Variants in ADCY9 observed in about 807,000 individuals in gnomAD.
The protein encoded by ADCY9 is adenylate cyclase 9.
In ADCY9, 50 loss-of-function variants were observed where a neutral mutation model predicts 101.5. That is an observed-to-expected ratio of 0.49 (90% CI 0.39 to 0.62). The LOEUF is 0.62. Ranked by LOEUF, ADCY9 falls within the 20% of genes least tolerant of loss-of-function variation. The pLI, the probability that ADCY9 is intolerant of heterozygous loss-of-function variation, is 0.00. For missense variants in ADCY9, 1,662 were observed against 1,800.4 expected (o/e 0.92, Z 1.39); for synonymous variants, 905 against 769.3 (o/e 1.18, Z -2.92).
chr16:3,999,946 C>A (rs2056318254), intron 3 of ADCY9, among the ~76,000 whole-genome samples: 1 of 152,172 alleles, frequency 6.6e-6, no homozygotes, highest in South Asian at 2.1e-4. Context: ...CAACAGCTGT[C>A]CCTTTTCAAA....
chr16:4,061,728 G>C (rs1185428474), intron 2 of ADCY9, among the ~76,000 whole-genome samples: 1 of 151,982 alleles, frequency 6.6e-6, no homozygotes, highest in Non-Finnish European at 1.5e-5. Flanking sequence ...AGCCCTTCAA[G>C]ATGAAAGAAA....
intron 2 of ADCY9, among the ~76,000 whole-genome samples, chr16:4,045,594 T>TAGA (rs1555511841): frequency 1.5e-5 from 1 of 64,964 alleles, no homozygotes; most frequent in Non-Finnish European, 2.8e-5. Flanking sequence ...GACTCTGCCT[T>TAGA]AAAAAAAAAA....
In ADCY9 at chr16:4,097,553, A is replaced by ATATATT. The variant is rs1382458827; in HGVS notation, c.1693+16196_1693+16197insAATATA. ...CATATATATATATATATATATATATATTTTTTTTTTTTTTTTTTAAGACAG... is the reference window on the plus strand; with the variant it reads ...CATATATATATATATATATATATATATATATTTTTTTTTTTTTTTTTTTTAAGACAG... On this transcript the variant is annotated intron_variant, in intron 2 of 10. Transcript: ENST00000294016. 9.2e-4 allele frequency among the ~76,000 whole-genome samples: 49 copies of ATATATT among 53,390 alleles called. 1 individual carries two copies. The highest frequency in any genetic ancestry group is 3.8e-3 in the East Asian group (5 of 1,314). 35.0% of individuals were successfully genotyped at this position (53,390 alleles called of 152,430 possible). A position where few individuals can be genotyped will look rare whatever the true frequency, so the allele number is the denominator to read the frequency against.
At chr16:4,040,571 T>C (rs1289667047) in intron 2 of ADCY9, among the ~76,000 whole-genome samples, 2 of 151,944 alleles carry the variant, frequency 1.3e-5, no homozygotes, top group Non-Finnish European at 1.5e-5. Context: ...ATCCTCCCAC[T>C]TCGGCCTCCC....
intron 2 of ADCY9, among the ~76,000 whole-genome samples, chr16:4,025,789 C>T (rs1373031959): frequency 6.6e-6 from 1 of 152,162 alleles, no homozygotes; most frequent in African/African-American, 2.4e-5. Flanking sequence ...GACTCCCAGA[C>T]TTTCAGGGAA....
chr16:4,010,852 G>A (rs562672142), intron 2 of ADCY9, among the ~76,000 whole-genome samples: 30 of 152,280 alleles, frequency 2.0e-4, no homozygotes, highest in African/African-American at 7.2e-4. Context: ...CCTCCCCTGC[G>A]ATGGGATCAG....
At chr16:3,958,673 CTTT>C (rs1207846349), downstream of ADCY9, among the ~76,000 whole-genome samples, 3 of 102,994 alleles carry the variant, frequency 2.9e-5, no homozygotes, top group African/African-American at 3.9e-5. Flanking sequence ...TCGTCGGTTA[CTTT>C]TTTTTTTTTT....
At chr16:3,958,439 C>G (rs1004021290), downstream of ADCY9, among the ~76,000 whole-genome samples, 1 of 148,366 alleles carries the variant, frequency 6.7e-6, no homozygotes, top group Non-Finnish European at 1.5e-5. Context: ...ACTGGGGAGG[C>G]TGAGGCAGAA....
chr16:3,970,533 G>C (rs1423998115), intron 10 of ADCY9, among the ~76,000 whole-genome samples: 2 of 151,994 alleles, frequency 1.3e-5, no homozygotes, highest in Admixed American at 1.3e-4. Context: ...TCACCATGTT[G>C]ACCAGGTTGG....
intron 2 of ADCY9, among the ~76,000 whole-genome samples, chr16:4,059,833 G>C (rs2056763808): frequency 6.6e-6 from 1 of 152,226 alleles, no homozygotes; most frequent in Non-Finnish European, 1.5e-5. Context: ...GGGAGCTTGA[G>C]GTTACAGTGA....
At chr16:3,977,680 C>G (rs1467470916) in intron 8 of ADCY9, 50 bp from the exon 9 acceptor site, 1 of 1,568,200 alleles carries the variant, frequency 6.4e-7, no homozygotes, top group South Asian at 1.2e-5. Flanking sequence ...CCCCGCCACC[C>G]CTGCTATACC....
chr16:4,017,416 G>A (rs983112154), intron 2 of ADCY9, among the ~76,000 whole-genome samples: 11 of 149,706 alleles, frequency 7.3e-5, no homozygotes, highest in Admixed American at 2.8e-4. Context: ...AGGCCGAGGC[G>A]GGGGGTTGCT....
chr16:4,114,490 A>C lies in ADCY9; in HGVS notation c.953T>G (p.Met318Arg), dbSNP rs770666782. ...TTCCACTTCCAGGTCCTTCCCGTGCATAATGGATTGCCCCACCTTGAGGAA... is the reference window on the plus strand; with the variant it reads ...TTCCACTTCCAGGTCCTTCCCGTGCCTAATGGATTGCCCCACCTTGAGGAA... The part of the protein sequence containing the change: ...STFLKVGQSI[M>R]HGKDLEVEKA... The change falls in exon 2 of 11, where the codon ATG becomes AGG. Residue 318 changes from methionine (M) to arginine (R), a missense_variant. Physicochemically the swap from Met to Arg is moderately conservative, Grantham distance 91. Coordinates refer to ENST00000294016, the MANE Select transcript of ADCY9 (RefSeq NM_001116.4). This position sits in a 1 kb window ranked among gnomAD's most constrained non-coding sequence, Gnocchi z 4.3. The C allele has an allele frequency of 6.2e-7, 1 of 1,614,170 alleles. No homozygotes were observed. The highest frequency in any genetic ancestry group is 8.5e-7 in the Non-Finnish European group (1 of 1,180,038).
At chr16:4,018,028 C>A (rs2056449703) in intron 2 of ADCY9, among the ~76,000 whole-genome samples, 1 of 152,178 alleles carries the variant, frequency 6.6e-6, no homozygotes, top group African/African-American at 2.4e-5. Flanking sequence ...ACAGATGGGC[C>A]TTTTCATCCA....
chr16:4,014,493 G>A (rs1345546872), intron 2 of ADCY9, among the ~76,000 whole-genome samples: 2 of 151,728 alleles, frequency 1.3e-5, no homozygotes, highest in East Asian at 1.9e-4. Context: ...TGTTGCCCAG[G>A]CTGGAGCGTA....
intron 2 of ADCY9, among the ~76,000 whole-genome samples, chr16:4,080,393 G>A (rs533468653): frequency 6.6e-5 from 10 of 152,092 alleles, no homozygotes; most frequent in East Asian, 1.9e-4. Context: ...ACAGGCGTGC[G>A]CCACCACACC....
intron 2 of ADCY9, among the ~76,000 whole-genome samples, chr16:4,112,677 G>C (rs2057121374): frequency 1.3e-5 from 2 of 151,882 alleles, no homozygotes; most frequent in African/African-American, 4.8e-5. Flanking sequence ...TGCAGTGTGT[G>C]GGGACCACAA....
intron 2 of ADCY9, among the ~76,000 whole-genome samples, chr16:4,031,225 G>A (rs1050378928): frequency 1.5e-4 from 23 of 152,154 alleles, no homozygotes; most frequent in Non-Finnish European, 2.9e-5. Context: ...TGTTTTGTCT[G>A]TACAGGAGAA....
rs147236842 is a variant in ADCY9, at chr16:3,989,096, G to C, written c.2208C>G (p.Ser736Arg). The C allele has an allele frequency of 1.9e-6, 3 of 1,608,980 alleles. No individual in the cohort carries two copies. The African/African-American group carries it at 4.0e-5, about 22-fold the overall frequency. ...AHFVDVIKED[S>R]LMKDYFFKPP... ...GCTTAAAAAAGTAATCTTTCATCAGGCTAGAAGACACAACAAATGCAGTCG... is the reference window on the plus strand; with the variant it reads ...GCTTAAAAAAGTAATCTTTCATCAGCCTAGAAGACACAACAAATGCAGTCG... Residue 736 changes from serine to arginine, a missense_variant and splice_region_variant, in exon 6 of 11, where the codon AGC becomes AGG. This residue lies in a region of ADCY9 where 624 missense variants were observed against 639.1 expected (regional missense o/e 0.98). Coordinates refer to ENST00000294016, the MANE Select transcript of ADCY9 (RefSeq NM_001116.4).
Sources: gnomAD v4.1 joint callset for allele counts (sites outside exome capture counted in the v4.1 genomes callset) on GRCh38, gnomAD v4.1.1 for gene constraint, gnomAD v4.1.1 regional missense constraint, Gnocchi (gnomAD v3.1) non-coding constraint, MANE v1.5 for transcripts, NCBI Gene and HGNC (gene_info 2026-07-23, HGNC 2026-07-21) for gene names.